Variants in CSF1R observed in about 807,000 individuals in gnomAD.
CSF1R encodes the protein macrophage colony-stimulating factor 1 receptor.
A neutral mutation model predicts 110.0 loss-of-function variants in CSF1R; 40 were observed. The observed-to-expected ratio is 0.36, with a 90% CI of 0.28 to 0.47. CSF1R has a LOEUF of 0.47. Ranked by LOEUF, CSF1R falls within the 20% of genes least tolerant of loss-of-function variation. The pLI, the probability that CSF1R is intolerant of heterozygous loss-of-function variation, is 0.99. For synonymous variants in CSF1R, 523 were observed against 503.4 expected (o/e 1.04, Z -0.52); for missense variants, 1,052 against 1,253.0 (o/e 0.84, Z 2.42).
chr5:150,106,716 A>G (rs1450653480), intron 1 of CSF1R, among the ~76,000 whole-genome samples: 1 of 151,924 alleles, frequency 6.6e-6, no homozygotes, highest in Non-Finnish European at 1.5e-5. Context: ...TTGCAATCTG[A>G]TCTCTGCCTC....
chr5:150,098,611 C>T (rs891962046), intron 1 of CSF1R: 20 of 152,182 alleles, frequency 1.3e-4, no homozygotes, highest in Non-Finnish European at 2.5e-4. Context: ...TTCAACATTG[C>T]ATATCTTATA....
chr5:150,060,551 C>T lies in CSF1R; in HGVS notation c.1969+311G>A, dbSNP rs12517208. On this transcript the variant is annotated intron_variant, in intron 13 of 20. Coordinates refer to ENST00000675795, the MANE Select transcript of CSF1R (RefSeq NM_001288705.3). ...GAATGGAAGCTTCATAAGAGGTAGG[C>T]GGGGGGCTTCACTCCAGACCCAGAG... Among the ~76,000 whole-genome samples, 69,024 of 151,538 alleles carry T rather than the reference C, an allele frequency of 0.46. 18,571 individuals are homozygous for T. The highest frequency in any genetic ancestry group is 0.6 in the Non-Finnish European group (40,621 of 67,772).
At position 150,111,156 on chromosome 5, in the gene CSF1R, T is replaced by C. The variant is rs181072637; in HGVS notation, c.-181+2105A>G. 8.2e-4 allele frequency among the ~76,000 whole-genome samples: 125 copies of C among 152,336 alleles called. 1 individual carries two copies. Among genetic ancestry groups the C allele is most frequent in the African/African-American group, 3.0e-3 (125 of 41,582 alleles). ...GGGCCTGTTAGAGACGGTGCCCTGA[T>C]TCAAAGAAGAAGGGACGTGAATGGG... On this transcript the variant is annotated intron_variant, in intron 1 of 21. Transcript: ENST00000286301.
chr5:150,079,790 T>C (rs1758440357), intron 3 of CSF1R, among the ~76,000 whole-genome samples: 2 of 152,258 alleles, frequency 1.3e-5, no homozygotes, highest in Admixed American at 1.3e-4. Context: ...CCATGTTGAA[T>C]GTTTATTTTT....
At chr5:150,084,386 AGAAAGAAGGAAGGAAGGAAGGAAGGAAG>A (rs1758720450) in intron 1 of CSF1R, among the ~76,000 whole-genome samples, 6 of 45,446 alleles carry the variant, frequency 1.3e-4, no homozygotes, top group Non-Finnish European at 2.1e-4. Context: ...AAAGAAAGAA[AGAAAGAAGGAAGGAAGGAAGGAAGGAAG>A]GAAGGAAGGA....
In CSF1R at chr5:150,054,176, TGCTGCC is replaced by T. The variant is rs746285806; in HGVS notation, c.2806_2811del (p.Gly936_Ser937del). On this transcript the variant is annotated inframe_deletion, in exon 21 of 21. Transcript: ENST00000675795. ...CTCTCCTCCTCCAGCTCACTGCTGCTGCTGCCGCTGCCACCGCTTCTGCTGCTGCTC... is the reference window on the plus strand; with the variant it reads ...CTCTCCTCCTCCAGCTCACTGCTGCTGCTGCCACCGCTTCTGCTGCTGCTC... 2 of 1,612,286 alleles carry T rather than the reference TGCTGCC, an allele frequency of 1.2e-6. No homozygotes were observed. The highest frequency in any genetic ancestry group is 1.7e-5 in the Admixed American group (1 of 59,928).
intron 1 of CSF1R, among the ~76,000 whole-genome samples, chr5:150,105,912 T>C (rs1475969602): frequency 6.6e-6 from 1 of 152,224 alleles, no homozygotes; most frequent in Non-Finnish European, 1.5e-5. Context: ...TTTTAACACA[T>C]GAGGCTGATT....
intron 17 of CSF1R, 33 bp downstream of exon 17, chr5:150,056,186 C>T (rs2113779103): frequency 6.2e-7 from 1 of 1,614,194 alleles, no homozygotes; most frequent in Non-Finnish European, 8.5e-7. Flanking sequence ...TTCACCCCCT[C>T]CCCAGCCTGG....
chr5:150,061,964 G>T, intron 10 of CSF1R, 115 bp from the exon 11 acceptor site: 2 of 1,404,866 alleles, frequency 1.4e-6, no homozygotes, highest in East Asian at 2.3e-5. Flanking sequence ...AGTGGGAGAA[G>T]GCAGGGCAAG....
chr5:150,061,986 G>A (rs1757554949), intron 10 of CSF1R, 137 bp from the exon 11 acceptor site: 13 of 1,158,218 alleles, frequency 1.1e-5, no homozygotes, highest in Non-Finnish European at 1.6e-5. Context: ...CCTGCTCTGG[G>A]CTGAGAGAGG....
chr5:150,057,692 T>C (rs1581282950), intron 14 of CSF1R, 100 bp from the exon 15 acceptor site: 1 of 807,524 alleles, frequency 1.2e-6, no homozygotes, highest in Non-Finnish European at 2.1e-6. Context: ...AACTGGAACC[T>C]CCCTTTCTGA....
chr5:150,100,290 CTTTTTTTTTTT>C (rs752638971), intron 1 of CSF1R, among the ~76,000 whole-genome samples: 1 of 89,348 alleles, frequency 1.1e-5, no homozygotes. Context: ...ATTGGCTAAC[CTTTTTTTTTTT>C]TTTTTTTTTT....
chr5:150,061,507 A>T lies in CSF1R; in HGVS notation c.1842T>A (p.Ala614=). The T allele has an allele frequency of 6.7e-7, 1 of 1,483,000 alleles. No homozygotes were observed. The allele number at this position is 1,483,000 out of a possible 1,614,324, so 91.9% of individuals were successfully genotyped here. Residue 614 remains alanine (A), a synonymous_variant, in exon 12 of 21, where the codon GCT becomes GCA. Transcript: ENST00000675795. ...LGKEDAVLKV[A]VKMLKSTAHA... ...CTCACTCACACTTCAGCATCTTCACAGCCACCTTCAGGACAGCATCCTCCT... is the reference window on the plus strand; with the variant it reads ...CTCACTCACACTTCAGCATCTTCACTGCCACCTTCAGGACAGCATCCTCCT...
intron 1 of CSF1R, among the ~76,000 whole-genome samples, chr5:150,099,313 A>G (rs1759327394): frequency 1.3e-5 from 2 of 152,132 alleles, no homozygotes. Context: ...GTTAAAAAGG[A>G]AACTTTTACC....
At chr5:150,093,571 G>T (rs909478539) in intron 1 of CSF1R, among the ~76,000 whole-genome samples, 1 of 151,966 alleles carries the variant, frequency 6.6e-6, no homozygotes, top group African/African-American at 2.4e-5. Context: ...TCAATCCAAA[G>T]GAAGACAAAG....
chr5:150,094,237 C>T (rs762764081), intron 1 of CSF1R: 39 of 940,646 alleles, frequency 4.1e-5, no homozygotes, highest in Non-Finnish European at 6.2e-5. Flanking sequence ...TACAAGAAGA[C>T]ATAACAATCC....
chr5:150,058,413 C>T (rs1032044314), intron 14 of CSF1R: 2 of 425,290 alleles, frequency 4.7e-6, no homozygotes, highest in African/African-American at 4.1e-5. Flanking sequence ...TGACAATGTC[C>T]ATATTCTAGT....
chr5:150,104,412 G>A (rs772581370), intron 1 of CSF1R, among the ~76,000 whole-genome samples: 6 of 152,158 alleles, frequency 3.9e-5, no homozygotes, highest in South Asian at 2.1e-4. Flanking sequence ...CTTCAGACTC[G>A]CTGCCTCCTG....
intron 10 of CSF1R, 32 bp from the exon 11 acceptor site, chr5:150,061,881 G>A (rs371735413): frequency 6.2e-6 from 10 of 1,613,290 alleles, no homozygotes; most frequent in South Asian, 3.3e-5. Flanking sequence ...CGTGGCAGTC[G>A]GGGCTGGCAG....
Sources: gnomAD v4.1 joint callset for allele counts (sites outside exome capture counted in the v4.1 genomes callset) on GRCh38, gnomAD v4.1.1 for gene constraint, MANE v1.5 for transcripts, NCBI Gene and HGNC (gene_info 2026-07-23, HGNC 2026-07-21) for gene names.